Variants in ATRNL1 observed in about 807,000 individuals in gnomAD.
ATRNL1 encodes attractin like 1, also known as attractin-like protein 1.
A neutral mutation model predicts 182.7 loss-of-function variants in ATRNL1; 95 were observed. The observed-to-expected ratio is 0.52, with a 90% CI of 0.44 to 0.62. The LOEUF (loss-of-function observed/expected upper bound fraction) is 0.62. Among genes scored for constraint, ATRNL1 ranks in the 20% least tolerant of loss-of-function variants. ATRNL1 has a pLI of 0.00. For missense variants in ATRNL1, 1,471 were observed against 1,679.5 expected (o/e 0.88, Z 2.17); for synonymous variants, 576 against 568.3 (o/e 1.01, Z -0.19).
intron 15 of ATRNL1, among the ~76,000 whole-genome samples, chr10:115,298,828 A>G (rs1389721136): frequency 6.6e-6 from 1 of 152,088 alleles, no homozygotes; most frequent in Non-Finnish European, 1.5e-5. Context: ...GTACTTGGGC[A>G]ATATCAGATC....
intron 26 of ATRNL1, among the ~76,000 whole-genome samples, chr10:115,610,542 A>T (rs1857101112): frequency 6.6e-6 from 1 of 152,204 alleles, no homozygotes; most frequent in African/African-American, 2.4e-5. Context: ...AATTTTGGTT[A>T]TGATTAACCT....
rs145239285 is a variant in ATRNL1 at position 115,929,719 on chromosome 10, T to C, written c.4019-14939T>C. Among the ~76,000 whole-genome samples the C allele has an allele frequency of 5.0e-3, 765 of 152,260 alleles. 24 individuals are homozygous for C. Among genetic ancestry groups the C allele is most frequent in the East Asian group, 0.044 (228 of 5,186 alleles). ...ATCTTGGCTGCCTTAACATCTTCTT[T>C]CAAAATGTCAGCAGTGATTAGGCTA... On this transcript the variant is annotated intron_variant, in intron 28 of 28. Transcript: ENST00000355044.
Position 115,156,089 on chromosome 10 carries a change from A to G in ATRNL1, c.830-3951A>G, listed in dbSNP as rs147856447. On this transcript the variant is annotated intron_variant, in intron 5 of 28. Transcript: ENST00000355044. ...TAGTTATCTATTGTAGGGAGGTTTG[A>G]ATTATCTCAAGTGAGGAGTCAGGGG... is the stretch of plus-strand genomic sequence containing the variant. Among the ~76,000 whole-genome samples the G allele has an allele frequency of 5.8e-4, 88 of 152,170 alleles. 1 individual carries two copies. In the East Asian group the frequency reaches 0.016, roughly 28 times the overall value.
chr10:115,605,645 T>C (rs1565207767), intron 26 of ATRNL1, among the ~76,000 whole-genome samples: 1 of 152,016 alleles, frequency 6.6e-6, no homozygotes. Context: ...GATCATCTTG[T>C]ATTTCAGCAT....
chr10:115,354,192 T>C (rs1856399083), intron 19 of ATRNL1, among the ~76,000 whole-genome samples: 1 of 130,690 alleles, frequency 7.7e-6, no homozygotes, highest in Non-Finnish European at 1.6e-5. Flanking sequence ...ACGTGGCCCA[T>C]GACAATTCTT....
chr10:115,758,335 T>C (rs2134137514), intron 27 of ATRNL1, among the ~76,000 whole-genome samples: 1 of 119,612 alleles, frequency 8.4e-6, no homozygotes, highest in East Asian at 2.7e-4. Context: ...GTGATGTTGA[T>C]ACTATTCCTT....
intron 25 of ATRNL1, among the ~76,000 whole-genome samples, chr10:115,540,194 G>A (rs1469373288): frequency 2.6e-4 from 40 of 152,018 alleles, no homozygotes; most frequent in Non-Finnish European, 5.9e-5. Context: ...CTCCTGAGCT[G>A]CCTGTGTGCT....
At chr10:115,737,434 TA>T (rs201707341) in intron 27 of ATRNL1, among the ~76,000 whole-genome samples, 292 of 139,012 alleles carry the variant, frequency 2.1e-3, no homozygotes, top group East Asian at 4.7e-3. Flanking sequence ...AGACCCTGTC[TA>T]AAAAAAAAAA....
At chr10:115,861,073 T>C (rs929152504) in intron 28 of ATRNL1, among the ~76,000 whole-genome samples, 24 of 152,298 alleles carry the variant, frequency 1.6e-4, no homozygotes, top group African/African-American at 5.8e-4. Flanking sequence ...TTTCTGTTTG[T>C]TCTGGTACCC....
At chr10:115,206,754 G>A (rs1554893884) in intron 8 of ATRNL1, among the ~76,000 whole-genome samples, 1 of 152,004 alleles carries the variant, frequency 6.6e-6, no homozygotes, top group African/African-American at 2.4e-5. Flanking sequence ...TGTTACATAG[G>A]TATACATGCG....
intron 27 of ATRNL1, among the ~76,000 whole-genome samples, chr10:115,845,518 T>C (rs75161864): frequency 0.059 from 8,915 of 152,064 alleles, 772 homozygotes; most frequent in African/African-American, 0.19. Flanking sequence ...CTGTTGATGA[T>C]TTGATGTTTT....
chr10:115,191,555 A>G (rs2144237270), intron 8 of ATRNL1, among the ~76,000 whole-genome samples: 1 of 152,150 alleles, frequency 6.6e-6, no homozygotes, highest in East Asian at 1.9e-4. Context: ...TGTAATCCCC[A>G]TACTCTCCAC....
intron 25 of ATRNL1, among the ~76,000 whole-genome samples, chr10:115,541,973 ATTT>A (rs1852385102): frequency 6.6e-6 from 1 of 152,182 alleles, no homozygotes; most frequent in South Asian, 2.1e-4. Flanking sequence ...AATAATTAAA[ATTT>A]TTGTCCTAAC....
intron 28 of ATRNL1, among the ~76,000 whole-genome samples, chr10:115,925,282 A>G (rs940095154): frequency 1.1e-4 from 17 of 152,024 alleles, no homozygotes; most frequent in African/African-American, 4.1e-4. Flanking sequence ...TTCCAATACT[A>G]TGTTGCATAA....
intron 27 of ATRNL1, among the ~76,000 whole-genome samples, chr10:115,777,546 C>T (rs1413038833): frequency 2.0e-5 from 3 of 152,122 alleles, no homozygotes; most frequent in Admixed American, 6.5e-5. Flanking sequence ...ACCCAAATTC[C>T]ATGGTATTTG....
intron 8 of ATRNL1, among the ~76,000 whole-genome samples, chr10:115,171,991 A>G (rs1554885757): frequency 6.6e-6 from 1 of 152,106 alleles, no homozygotes; most frequent in East Asian, 1.9e-4. Context: ...TCTGGCCAGT[A>G]TGATGAACTC....
intron 26 of ATRNL1, among the ~76,000 whole-genome samples, chr10:115,636,898 A>G (rs989371387): frequency 6.6e-6 from 1 of 152,204 alleles, no homozygotes; most frequent in African/African-American, 2.4e-5. Flanking sequence ...GTACAGTCAT[A>G]TGCCACATAA....
chr10:115,394,656 C>T lies in ATRNL1; in HGVS notation c.3176-3C>T, dbSNP rs368899410. 3.7e-6 allele frequency: 6 copies of T among 1,610,194 alleles called. No individual in the cohort carries two copies. The highest frequency in any genetic ancestry group is 4.5e-5 in the East Asian group (2 of 44,774). On this transcript the variant is annotated splice_polypyrimidine_tract_variant and splice_region_variant and intron_variant, in intron 19 of 28. Transcript: ENST00000355044. ...TCAATATCATTTTGGTTTTGACTTA[C>T]AGCTTGTACATGCAGTGGCCATGCA...
intron 19 of ATRNL1, among the ~76,000 whole-genome samples, chr10:115,366,258 T>A (rs2134175238): frequency 6.6e-6 from 1 of 152,218 alleles, no homozygotes; most frequent in South Asian, 2.1e-4. Context: ...AATTGATCCC[T>A]TTACCATTAT....
Sources: gnomAD v4.1 joint callset for allele counts (sites outside exome capture counted in the v4.1 genomes callset) on GRCh38, gnomAD v4.1.1 for gene constraint, MANE v1.5 for transcripts, NCBI Gene and HGNC (gene_info 2026-07-23, HGNC 2026-07-21) for gene names.